MGAT4A: variants seen among roughly 807,000 people sequenced by gnomAD.
The protein encoded by MGAT4A is N-acetylglucosaminyltransferase IVa.
In MGAT4A, 33 loss-of-function variants were observed where a neutral mutation model predicts 74.1. The ratio of observed to expected loss-of-function variants is 0.45; its 90% confidence interval spans 0.34 to 0.60. The LOEUF (loss-of-function observed/expected upper bound fraction) is 0.60. Ranked by LOEUF, MGAT4A falls within the 20% of genes least tolerant of loss-of-function variation. The pLI is 0.02. For synonymous variants in MGAT4A, 198 were observed against 210.4 expected (o/e 0.94, Z 0.51); for missense variants, 479 against 628.3 (o/e 0.76, Z 2.54).
chr2:98,644,010 G>T lies in MGAT4A; in HGVS notation c.933C>A (p.Phe311Leu). Reference sequence around the variant, plus strand: ...GTTTCTCCTTGTAAAACATGAATATGAATTCTACAATCAGAGTAAGATCCG... The same window carrying T: ...GTTTCTCCTTGTAAAACATGAATATTAATTCTACAATCAGAGTAAGATCCG... ...QAPDLTLIVE[F>L]IFMFYKEKPI... The change falls in exon 10 of 16, where the codon TTC becomes TTA. Residue 311 changes from phenylalanine (F) to leucine (L), a missense_variant. This residue lies in a region of MGAT4A where 236 missense variants were observed against 308.2 expected (regional missense o/e 0.77). Transcript: ENST00000393487. 1 of 1,604,840 alleles carries T rather than the reference G, an allele frequency of 6.2e-7. No homozygotes were observed. Among genetic ancestry groups the T allele is most frequent in the Non-Finnish European group, 8.5e-7 (1 of 1,173,476 alleles).
At chr2:98,674,464 T>TCAAA (rs779273695) in intron 4 of MGAT4A, among the ~76,000 whole-genome samples, 6 of 152,160 alleles carry the variant, frequency 3.9e-5, no homozygotes, top group African/African-American at 9.7e-5. Flanking sequence ...TTACGTTGCT[T>TCAAA]CAAACAAACA....
chr2:98,715,479 C>T (rs536086263), intron 2 of MGAT4A, among the ~76,000 whole-genome samples: 5 of 152,136 alleles, frequency 3.3e-5, no homozygotes, highest in African/African-American at 7.2e-5. Flanking sequence ...AAAAAAAGAA[C>T]GAGATCATGT....
rs1159149723 is a variant in MGAT4A, at chr2:98,621,695, T to C, written c.*3871A>G. 7.2e-7 allele frequency: 1 copy of C among 1,381,200 alleles called. No individual in the cohort carries two copies. The highest frequency in any genetic ancestry group is 1.5e-5 in the African/African-American group (1 of 67,638). 85.6% of individuals were successfully genotyped at this position (1,381,200 alleles called of 1,614,324 possible). A position where few individuals can be genotyped will look rare whatever the true frequency, so the allele number is the denominator to read the frequency against. ...TTTGCCTACCACAAATATACACTGT[T>C]ATTCACTAGAATAATCTCTCCAAAC... On this transcript the variant is annotated 3_prime_UTR_variant, in exon 16 of 16. Coordinates refer to ENST00000393487, the MANE Select transcript of MGAT4A (RefSeq NM_012214.3).
intron 12 of MGAT4A, among the ~76,000 whole-genome samples, chr2:98,639,607 C>T (rs1270446613): frequency 2.0e-5 from 3 of 152,142 alleles, no homozygotes; most frequent in East Asian, 1.9e-4. Context: ...GTTCACCAAA[C>T]GTGTTAAATG....
rs114400770 is a variant in MGAT4A, at chr2:98,673,177, C to T, written c.403+1858G>A. On this transcript the variant is annotated intron_variant, in intron 4 of 15. Transcript: ENST00000393487. ...CCGCTCCCCTGGGGTCAGCAGCCAC[C>T]GGCAGCACTGTCCTTCCTCTTCAGC... Among the ~76,000 whole-genome samples the T allele has an allele frequency of 1.7e-4, 26 of 152,136 alleles. 1 individual carries two copies. Among genetic ancestry groups the T allele is most frequent in the African/African-American group, 5.8e-4 (24 of 41,500 alleles).
intron 2 of MGAT4A, among the ~76,000 whole-genome samples, chr2:98,714,916 T>C (rs963236166): frequency 6.7e-6 from 1 of 148,964 alleles, no homozygotes; most frequent in African/African-American, 2.5e-5. Context: ...TGGCCACCTC[T>C]GAGACAATTT....
chr2:98,626,091 A>G (rs1199256324), intron 14 of MGAT4A, among the ~76,000 whole-genome samples: 1 of 152,202 alleles, frequency 6.6e-6, no homozygotes, highest in Non-Finnish European at 1.5e-5. Context: ...ATTAAAAAAC[A>G]AAAATATATT....
chr2:98,628,862 A>G (rs1334430455), intron 14 of MGAT4A, among the ~76,000 whole-genome samples: 1 of 152,164 alleles, frequency 6.6e-6, no homozygotes, highest in Non-Finnish European at 1.5e-5. Context: ...GCAGTACTCT[A>G]AGCAGCAGTG....
chr2:98,634,953 A>T (rs1297234262), intron 14 of MGAT4A, among the ~76,000 whole-genome samples: 3 of 152,038 alleles, frequency 2.0e-5, no homozygotes, highest in African/African-American at 7.3e-5. Flanking sequence ...CCCATCCAGT[A>T]GGAGGCAGTG....
At chr2:98,641,925 G>A (rs1034553497) in intron 10 of MGAT4A, among the ~76,000 whole-genome samples, 7 of 151,680 alleles carry the variant, frequency 4.6e-5, no homozygotes, top group Non-Finnish European at 7.4e-5. Context: ...AACCTGGGGG[G>A]CAGAGGCTAC....
chr2:98,691,777 T>C (rs1702197546), intron 2 of MGAT4A, among the ~76,000 whole-genome samples: 1 of 152,200 alleles, frequency 6.6e-6, no homozygotes, highest in Non-Finnish European at 1.5e-5. Context: ...ACTGTTCTCA[T>C]GGGAGATGAC....
At chr2:98,697,578 C>G (rs926682093) in intron 2 of MGAT4A, among the ~76,000 whole-genome samples, 5 of 152,098 alleles carry the variant, frequency 3.3e-5, no homozygotes, top group Non-Finnish European at 1.5e-5. Flanking sequence ...ATAAGTTATC[C>G]CAAGAAGTAA....
chr2:98,712,309 T>C (rs1054275978), intron 2 of MGAT4A, among the ~76,000 whole-genome samples: 13 of 152,354 alleles, frequency 8.5e-5, no homozygotes, highest in African/African-American at 3.1e-4. Context: ...TTTACCCCAG[T>C]GCTATCATAG....
At chr2:98,693,347 G>A (rs560359238) in intron 2 of MGAT4A, among the ~76,000 whole-genome samples, 3 of 151,994 alleles carry the variant, frequency 2.0e-5, no homozygotes, top group Non-Finnish European at 4.4e-5. Context: ...ATAAAGGAAG[G>A]AATCTTGCAA....
At chr2:98,654,203 T>A (rs993278679) in intron 8 of MGAT4A, among the ~76,000 whole-genome samples, 2 of 152,050 alleles carry the variant, frequency 1.3e-5, no homozygotes, top group East Asian at 3.8e-4. Context: ...ATCGGTAATA[T>A]CACACTTGGC....
chr2:98,681,400 C>G (rs1430544198), intron 2 of MGAT4A, among the ~76,000 whole-genome samples: 1 of 152,100 alleles, frequency 6.6e-6, no homozygotes, highest in African/African-American at 2.4e-5. Context: ...TATGGGGGAA[C>G]TTGCTCTGAG....
In MGAT4A at chr2:98,686,540, G is replaced by T. The variant is rs368658856; in HGVS notation, c.95-8069C>A. Among the ~76,000 whole-genome samples the T allele has an allele frequency of 5.2e-4, 79 of 151,266 alleles. 2 individuals are homozygous for T. In the East Asian group the frequency reaches 5.2e-3, roughly 10 times the overall value. ...TACCTATAACACAGGTTTTTTTTTG[G>T]TTTTTTGGTGTTTTTTTTTTTCTGG... is the stretch of plus-strand genomic sequence containing the variant. On this transcript the variant is annotated intron_variant, in intron 2 of 15. Coordinates refer to ENST00000393487, the MANE Select transcript of MGAT4A (RefSeq NM_012214.3).
intron 7 of MGAT4A, chr2:98,656,134 G>C: frequency 2.2e-6 from 1 of 460,054 alleles, no homozygotes. Flanking sequence ...CTAAAAGCTA[G>C]TTTAAGAAAA....
At chr2:98,713,032 G>GGTGGC (rs1702539353) in intron 2 of MGAT4A, among the ~76,000 whole-genome samples, 1 of 151,606 alleles carries the variant, frequency 6.6e-6, no homozygotes, top group Admixed American at 6.6e-5. Flanking sequence ...AGCCTGGTGT[G>GGTGGC]ATGGCACACA....
Sources: gnomAD v4.1 joint callset for allele counts (sites outside exome capture counted in the v4.1 genomes callset) on GRCh38, gnomAD v4.1.1 for gene constraint, gnomAD v4.1.1 regional missense constraint, MANE v1.5 for transcripts, NCBI Gene and HGNC (gene_info 2026-07-23, HGNC 2026-07-21) for gene names.